ZRANB3: variants seen among roughly 807,000 people sequenced by gnomAD.
ZRANB3 encodes zinc finger RANBP2-type containing 3, also known as DNA annealing helicase and endonuclease ZRANB3.
Under a neutral mutation model 133.8 loss-of-function variants are expected in ZRANB3, and 125 were observed. The ratio of observed to expected loss-of-function variants is 0.93; its 90% CI spans 0.81 to 1.08. The LOEUF is 1.08. ZRANB3 is among the 50% of genes least tolerant of loss of function. The pLI is 0.00. For missense variants in ZRANB3, 1,229 were observed against 1,275.5 expected, an observed-to-expected ratio of 0.96 and a Z score of 0.56; for synonymous variants, 387 against 432.7, an observed-to-expected ratio of 0.89 and a Z score of 1.31.
At chr2:135,418,175 A>G (rs1348153539) in intron 2 of ZRANB3, among the ~76,000 whole-genome samples, 2 of 152,182 alleles carry the variant, frequency 1.3e-5, no homozygotes, top group Non-Finnish European at 2.9e-5. Flanking sequence ...CAGTATAACA[A>G]TTATTTACAT....
chr2:135,328,970 G>A (rs1253679112), intron 6 of ZRANB3, among the ~76,000 whole-genome samples: 1 of 152,176 alleles, frequency 6.6e-6, no homozygotes, highest in Non-Finnish European at 1.5e-5. Flanking sequence ...CCCTTTTTCA[G>A]ATGGGTAAAT....
chr2:135,219,223 G>T, intron 15 of ZRANB3, 45 bp from the exon 16 acceptor site: 1 of 1,196,722 alleles, frequency 8.4e-7, no homozygotes, highest in Non-Finnish European at 1.1e-6. Context: ...TTTTGTATAG[G>T]CACTAGTAAC....
chr2:135,408,725 AC>A (rs1263652329), intron 2 of ZRANB3, among the ~76,000 whole-genome samples: 2 of 152,244 alleles, frequency 1.3e-5, no homozygotes, highest in East Asian at 3.9e-4. Context: ...TATCGCAAGG[AC>A]AAAAAACTGA....
chr2:135,501,889 G>A (rs1040509762), intron 2 of ZRANB3, among the ~76,000 whole-genome samples: 6 of 152,010 alleles, frequency 3.9e-5, no homozygotes, highest in Admixed American at 1.3e-4. Context: ...TACCAAGCTC[G>A]GCCATTTTGT....
intron 2 of ZRANB3, among the ~76,000 whole-genome samples, chr2:135,501,045 C>T (rs547799765): frequency 2.0e-4 from 30 of 152,164 alleles, no homozygotes; most frequent in South Asian, 6.2e-4. Context: ...AGATTTAAAA[C>T]GCACAATAAT....
At position 135,454,023 on chromosome 2, in the gene ZRANB3, G is replaced by T. The variant is rs1371223971; in HGVS notation, c.161+50306C>A. 4.6e-5 allele frequency among the ~76,000 whole-genome samples: 7 copies of T among 152,338 alleles called. No homozygotes were observed. In the East Asian group the frequency reaches 1.3e-3, roughly 29 times the overall value. On this transcript the variant is annotated intron_variant, in intron 2 of 20. Coordinates refer to ENST00000264159, the MANE Select transcript of ZRANB3 (RefSeq NM_032143.4). ...GGGAGGCCTCAGAATTATGACAGGA[G>T]GCGAAAGCCACTTCTTACATGGTGG...
chr2:135,296,619 G>A (rs1156868913), intron 8 of ZRANB3, among the ~76,000 whole-genome samples: 1 of 152,150 alleles, frequency 6.6e-6, no homozygotes, highest in African/African-American at 2.4e-5. Flanking sequence ...TCTGTTGCTG[G>A]TGAGGAGCTG....
chr2:135,218,242 C>A (rs1386941254), intron 16 of ZRANB3, among the ~76,000 whole-genome samples: 1 of 152,114 alleles, frequency 6.6e-6, no homozygotes, highest in Non-Finnish European at 1.5e-5. Flanking sequence ...AGTACATACC[C>A]TAGCTGGGGT....
chr2:135,356,471 G>A (rs1035198117), intron 3 of ZRANB3, among the ~76,000 whole-genome samples: 7 of 152,006 alleles, frequency 4.6e-5, no homozygotes, highest in African/African-American at 1.4e-4. Flanking sequence ...TTGACGACAG[G>A]CGAAGAAAAG....
At chr2:135,332,895 A>G (rs978744359) in intron 6 of ZRANB3, among the ~76,000 whole-genome samples, 2 of 152,122 alleles carry the variant, frequency 1.3e-5, no homozygotes, top group African/African-American at 4.8e-5. Context: ...GTTCTTATAA[A>G]TATAGTTTAA....
intron 8 of ZRANB3, among the ~76,000 whole-genome samples, chr2:135,301,956 A>G (rs1404597306): frequency 6.6e-6 from 1 of 152,230 alleles, no homozygotes; most frequent in Non-Finnish European, 1.5e-5. Flanking sequence ...TAATAGGAAA[A>G]CATTTAATCA....
chr2:135,263,487 G>GAAC (rs543336714), intron 12 of ZRANB3, among the ~76,000 whole-genome samples: 1 of 152,070 alleles, frequency 6.6e-6, no homozygotes, highest in South Asian at 2.1e-4. Context: ...TAGCCCAGAG[G>GAAC]AACAACAACA....
intron 2 of ZRANB3, among the ~76,000 whole-genome samples, chr2:135,499,192 T>A (rs1181597312): frequency 6.6e-6 from 1 of 152,148 alleles, no homozygotes; most frequent in African/African-American, 2.4e-5. Context: ...TCTTTCCCTT[T>A]ATTTCTCAGG....
chr2:135,258,516 A>G (rs1039506236), intron 12 of ZRANB3, among the ~76,000 whole-genome samples: 1 of 152,150 alleles, frequency 6.6e-6, no homozygotes, highest in Non-Finnish European at 1.5e-5. Context: ...ATTTCTTTTC[A>G]CACAATAAAT....
chr2:135,350,215 C>A lies in ZRANB3; in HGVS notation c.360G>T (p.Arg120Ser). The change falls in exon 5 of 21, where the codon AGG (arginine) becomes AGT (serine). Residue 120 changes from arginine (R) to serine (S), a missense_variant and splice_region_variant. Coordinates refer to ENST00000264159, the MANE Select transcript of ZRANB3 (RefSeq NM_032143.4). The part of the protein sequence containing the change: ...INVIQNKTDV[R>S]RMSTSKVTVL... ...CTGTCACTTTACTGGTCGACATTCT[C>A]CTAGAAAAGAAAATCCATGTACTTA... 1.3e-6 allele frequency: 2 copies of A among 1,571,992 alleles called. No individual in the cohort carries two copies. The highest frequency in any genetic ancestry group is 1.7e-6 in the Non-Finnish European group (2 of 1,156,634).
Position 135,517,251 on chromosome 2 carries a change from C to T in ZRANB3, c.-7-12755G>A, listed in dbSNP as rs144249547. 1.4e-3 allele frequency among the ~76,000 whole-genome samples: 209 copies of T among 152,050 alleles called. 1 individual carries two copies. The highest frequency in any genetic ancestry group is 0.011 in the South Asian group (55 of 4,818). On this transcript the variant is annotated intron_variant, in intron 1 of 20. Transcript: ENST00000264159. ...TAAGCTTGGAGAAGTTTGTTATTAC[C>T]CACCTTCTGAAGCCTACTTCTGTGA...
intron 12 of ZRANB3, among the ~76,000 whole-genome samples, chr2:135,263,490 C>A (rs2105109909): frequency 6.6e-6 from 1 of 152,150 alleles, no homozygotes; most frequent in East Asian, 1.9e-4. Context: ...CCCAGAGGAA[C>A]AACAACAACA....
chr2:135,261,747 G>C (rs960130602), intron 12 of ZRANB3, among the ~76,000 whole-genome samples: 2 of 152,248 alleles, frequency 1.3e-5, no homozygotes, highest in South Asian at 4.1e-4. Flanking sequence ...AACACAGTTT[G>C]ATAGGAAATT....
chr2:135,326,590 T>A (rs1162354261), intron 6 of ZRANB3, among the ~76,000 whole-genome samples: 3 of 151,976 alleles, frequency 2.0e-5, no homozygotes, highest in African/African-American at 7.2e-5. Flanking sequence ...AGGTATTAAG[T>A]CCCGCATAAT....
Sources: gnomAD v4.1 joint callset for allele counts (sites outside exome capture counted in the v4.1 genomes callset) on GRCh38, gnomAD v4.1.1 for gene constraint, MANE v1.5 for transcripts, NCBI Gene and HGNC (gene_info 2026-07-23, HGNC 2026-07-21) for gene names.